The following NRCAM variants were observed in gnomAD, a reference collection of about 807,000 sequenced individuals.
NRCAM encodes the protein NgCAM-related cell adhesion molecule.
In NRCAM, 83 loss-of-function variants were observed where a neutral mutation model predicts 156.5. The ratio of observed to expected loss-of-function variants is 0.53; its 90% confidence interval spans 0.44 to 0.64. The LOEUF (loss-of-function observed/expected upper bound fraction) is 0.64. Among genes scored for constraint, NRCAM ranks in the 30% least tolerant of loss-of-function variants. The pLI, the probability that NRCAM is intolerant of heterozygous loss-of-function variation, is 0.00. For synonymous variants in NRCAM, 538 were observed against 563.9 expected, an observed-to-expected ratio of 0.95 and a Z score of 0.65; for missense variants, 1,417 against 1,597.3, an observed-to-expected ratio of 0.89 and a Z score of 1.92.
At chr7:108,183,742 G>C (rs904197667) in intron 22 of NRCAM, among the ~76,000 whole-genome samples, 9 of 151,992 alleles carry the variant, frequency 5.9e-5, no homozygotes, top group African/African-American at 2.2e-4. Context: ...TCACCATGTT[G>C]GTCAGGCTGG....
chr7:108,386,286 C>A (rs1361189028), intron 2 of NRCAM, among the ~76,000 whole-genome samples: 1 of 152,176 alleles, frequency 6.6e-6, no homozygotes, highest in African/African-American at 2.4e-5. Flanking sequence ...AAGTCCAATA[C>A]ACTTATTAGT....
rs372095852 is a variant in NRCAM at position 108,411,686 on chromosome 7, C to T, written c.-331-12093G>A. 2.9e-3 allele frequency among the ~76,000 whole-genome samples: 437 copies of T among 152,208 alleles called. 3 individuals carry two copies. The highest frequency in any genetic ancestry group is 0.01 in the African/African-American group (421 of 41,534). ...CTGGGATTACAGGTGTGCGCCACCACGCCCGGCTAATTTTTTTTGTATTTT... is the reference window on the plus strand; with the variant it reads ...CTGGGATTACAGGTGTGCGCCACCATGCCCGGCTAATTTTTTTTGTATTTT... On this transcript the variant is annotated intron_variant, in intron 1 of 32. Transcript: ENST00000379028.
At chr7:108,184,665 CAG>C (rs2065610052) in intron 20 of NRCAM, 51 bp from the exon 21 acceptor site, 2 of 1,522,378 alleles carry the variant, frequency 1.3e-6, no homozygotes, top group Non-Finnish European at 1.8e-6. Flanking sequence ...TCAGTCAACT[CAG>C]GGGTAGCTGC....
intron 3 of NRCAM, chr7:108,243,007 G>GA (rs1378989069): frequency 6.6e-6 from 1 of 152,022 alleles, no homozygotes; most frequent in Non-Finnish European, 1.5e-5. Context: ...GTTTTATAAA[G>GA]AAAAAAATCG....
At chr7:108,434,892 T>C (rs111739161) in intron 1 of NRCAM, among the ~76,000 whole-genome samples, 1 of 151,918 alleles carries the variant, frequency 6.6e-6, no homozygotes, top group Non-Finnish European at 1.5e-5. Flanking sequence ...AAACAAACAA[T>C]AGCAACAGCT....
intron 1 of NRCAM, among the ~76,000 whole-genome samples, chr7:108,421,240 T>C (rs773783861): frequency 1.3e-5 from 2 of 152,208 alleles, no homozygotes; most frequent in Non-Finnish European, 2.9e-5. Context: ...TGGAGTGGAA[T>C]AGGCTGAAAG....
chr7:108,278,807 T>C (rs1248967393), intron 3 of NRCAM, among the ~76,000 whole-genome samples: 6 of 152,222 alleles, frequency 3.9e-5, no homozygotes, highest in African/African-American at 1.4e-4. Flanking sequence ...GGTACCTCAG[T>C]TGGAAATGCA....
rs370606007 is a variant in NRCAM at position 108,268,134 on chromosome 7, A to G, written c.-106-27964T>C. 3.9e-5 allele frequency among the ~76,000 whole-genome samples: 6 copies of G among 152,374 alleles called. No individual in the cohort carries two copies. The South Asian group carries it at 8.3e-4, about 21-fold the overall frequency. On this transcript the variant is annotated intron_variant, in intron 3 of 32. Transcript: ENST00000379028. The stretch of plus-strand genomic sequence containing the variant: ...AAAGTGTAAACACAACATTCTTGCC[A>G]TAAGAGATAAAAAGACTATATTCTC...
intron 2 of NRCAM, among the ~76,000 whole-genome samples, chr7:108,315,610 T>TG (rs1287471257): frequency 6.6e-6 from 1 of 152,228 alleles, no homozygotes; most frequent in Non-Finnish European, 1.5e-5. Flanking sequence ...GCTGGGGTCC[T>TG]GGGAACACAG....
intron 24 of NRCAM, among the ~76,000 whole-genome samples, chr7:108,180,707 T>C (rs78072945): frequency 0.014 from 2,105 of 152,294 alleles, 42 homozygotes; most frequent in African/African-American, 0.049. Context: ...TGTGGTTTTC[T>C]CTAGAACATG....
chr7:108,239,675 C>T (rs777412413), intron 4 of NRCAM, among the ~76,000 whole-genome samples: 1 of 152,156 alleles, frequency 6.6e-6, no homozygotes, highest in African/African-American at 2.4e-5. Flanking sequence ...GCAGCTTGCA[C>T]AACTCAATCC....
chr7:108,271,004 G>A (rs2097325137), intron 3 of NRCAM, among the ~76,000 whole-genome samples: 1 of 152,128 alleles, frequency 6.6e-6, no homozygotes, highest in South Asian at 2.1e-4. Context: ...ACACTTAAGT[G>A]TTCCAGCTCT....
At chr7:108,301,508 G>T (rs1470744603) in intron 3 of NRCAM, among the ~76,000 whole-genome samples, 1 of 152,176 alleles carries the variant, frequency 6.6e-6, no homozygotes, top group East Asian at 1.9e-4. Flanking sequence ...AAGAAAACAG[G>T]CAGGGTGCCC....
At chr7:108,331,730 C>T (rs2099129161) in intron 2 of NRCAM, among the ~76,000 whole-genome samples, 1 of 151,590 alleles carries the variant, frequency 6.6e-6, no homozygotes, top group African/African-American at 2.4e-5. Flanking sequence ...AGGACTTCAT[C>T]CAGAATGCAA....
At chr7:108,326,836 C>CA (rs925098005) in intron 2 of NRCAM, among the ~76,000 whole-genome samples, 124 of 152,228 alleles carry the variant, frequency 8.1e-4, no homozygotes, top group African/African-American at 2.8e-3. Context: ...GCAAATTTCT[C>CA]AAAGAGACCA....
At chr7:108,191,230 G>T in intron 19 of NRCAM, 24 bp downstream of exon 19, 1 of 1,588,284 alleles carries the variant, frequency 6.3e-7, no homozygotes, top group Non-Finnish European at 8.6e-7. Flanking sequence ...AGAAAACAGA[G>T]AAAGAAGACT....
intron 1 of NRCAM, among the ~76,000 whole-genome samples, chr7:108,431,382 C>A (rs1182480423): frequency 2.0e-5 from 3 of 152,186 alleles, no homozygotes; most frequent in Non-Finnish European, 2.9e-5. Flanking sequence ...CCTTGCATGG[C>A]ACTGTGGCAA....
rs757960920 is a variant in NRCAM at position 108,198,024 on chromosome 7, G to A, written c.1283C>T (p.Ala428Val). Residue 428 changes from alanine to valine, a missense_variant, in exon 14 of 33, where the codon GCA becomes GTA. Coordinates refer to ENST00000379028, the MANE Select transcript of NRCAM (RefSeq NM_001037132.4). Reference protein sequence around the residue: ...IFSNVQERSSAVYQCNASNEY... With the variant: ...IFSNVQERSSVVYQCNASNEY... ...ATTAGAGGCATTGCACTGATAGACT[G>A]CACTTGATCTTTCTTGAACATTTGA... The A allele has an allele frequency of 2.9e-5, 47 of 1,597,832 alleles. No homozygotes were observed. Among genetic ancestry groups the A allele is most frequent in the Non-Finnish European group, 4.0e-5 (47 of 1,171,458 alleles).
rs1222666445 is a variant in NRCAM at position 108,230,993 on chromosome 7, AC to A, written c.550+37del. 6 of 1,500,242 alleles carry A rather than the reference AC, an allele frequency of 4.0e-6. No individual in the cohort carries two copies. In the African/African-American group the frequency reaches 8.3e-5, roughly 21 times the overall value. 92.9% of individuals were successfully genotyped at this position (1,500,242 alleles called of 1,614,324 possible). A position where few individuals can be genotyped will look rare whatever the true frequency, so the allele number is the denominator to read the frequency against. ...TATTATGACTGTAAACAATCCTAAGACTTTTAAAGAAAGAAAGTTCATATTA... is the reference window on the plus strand; with the variant it reads ...TATTATGACTGTAAACAATCCTAAGATTTTAAAGAAAGAAAGTTCATATTA... On this transcript the variant is annotated intron_variant, in intron 8 of 32. Transcript: ENST00000379028.
Sources: gnomAD v4.1 joint callset for allele counts (sites outside exome capture counted in the v4.1 genomes callset) on GRCh38, gnomAD v4.1.1 for gene constraint, MANE v1.5 for transcripts, NCBI Gene and HGNC (gene_info 2026-07-23, HGNC 2026-07-21) for gene names.